ADAM23: variants seen among roughly 807,000 people sequenced by gnomAD.
ADAM23 encodes disintegrin and metalloproteinase domain-containing protein 23.
A neutral mutation model predicts 120.1 loss-of-function variants in ADAM23; 33 were observed. That is an observed-to-expected ratio of 0.27 (90% CI 0.21 to 0.37). The LOEUF is 0.37. Among genes scored for constraint, ADAM23 ranks in the 10% least tolerant of loss-of-function variants. The pLI, the probability that ADAM23 is intolerant of heterozygous loss-of-function variation, is 1.00. For synonymous variants in ADAM23, 367 were observed against 375.2 expected (o/e 0.98, Z 0.25); for missense variants, 862 against 1,058.2 (o/e 0.81, Z 2.57).
chr2:206,538,202 A>G (rs1697219798), intron 4 of ADAM23, among the ~76,000 whole-genome samples: 1 of 152,308 alleles, frequency 6.6e-6, no homozygotes, highest in Admixed American at 6.5e-5. Flanking sequence ...TAATGAAGGT[A>G]AATAATTAAA....
At chr2:206,604,831 TG>T (rs1030393056) in intron 24 of ADAM23, among the ~76,000 whole-genome samples, 2 of 152,192 alleles carry the variant, frequency 1.3e-5, no homozygotes, top group African/African-American at 4.8e-5. Context: ...AGGGCAGCCT[TG>T]TTGAAGCTAA....
intron 12 of ADAM23, among the ~76,000 whole-genome samples, chr2:206,561,543 T>C (rs1199976467): frequency 6.6e-6 from 1 of 152,164 alleles, no homozygotes; most frequent in African/African-American, 2.4e-5. Flanking sequence ...CCTCTGTCTA[T>C]GTTAAATTTA....
chr2:206,445,313 A>T lies in ADAM23; in HGVS notation c.221A>T (p.His74Leu), dbSNP rs1338485796. ...ACCCCCCTACCTCCACCAGCTCCGC[A>T]TTGGAATGAAACTGCAGAAAAAAAT... Reference protein sequence around the residue: ...AWGAAAPSAPHWNETAEKNLG... With the variant: ...AWGAAAPSAPLWNETAEKNLG... Residue 74 changes from histidine to leucine, a missense_variant, in exon 2 of 26, where the codon CAT (histidine) becomes CTT (leucine). This residue lies in a region of ADAM23 where 225 missense variants were observed against 204.0 expected (regional missense o/e 1.10). Coordinates refer to ENST00000264377, the MANE Select transcript of ADAM23 (RefSeq NM_003812.4). 2 of 1,612,588 alleles carry T rather than the reference A, an allele frequency of 1.2e-6. No homozygotes were observed. Among genetic ancestry groups the T allele is most frequent in the Non-Finnish European group, 1.7e-6 (2 of 1,179,118 alleles).
rs780600231 is a variant in ADAM23, at chr2:206,445,363, A to C, written c.271A>C (p.Asn91His). 1.9e-6 allele frequency: 3 copies of C among 1,614,140 alleles called. No homozygotes were observed. Among genetic ancestry groups the C allele is most frequent in the Middle Eastern group, 3.3e-4 (2 of 6,062 alleles). ...TTTGGGAGTCCTGGCAGATGAAGACAATACATTGCAACAGAATAGCAGCAG... is the reference window on the plus strand; with the variant it reads ...TTTGGGAGTCCTGGCAGATGAAGACCATACATTGCAACAGAATAGCAGCAG... Reference protein sequence around the residue: ...KNLGVLADEDNTLQQNSSSNI... With the variant: ...KNLGVLADEDHTLQQNSSSNI... The change falls in exon 2 of 26, where the codon AAT (asparagine) becomes CAT (histidine). Residue 91 changes from asparagine (N) to histidine (H), a missense_variant. Transcript: ENST00000264377.
intron 20 of ADAM23, among the ~76,000 whole-genome samples, chr2:206,588,936 G>A (rs1698376623): frequency 6.6e-6 from 1 of 152,128 alleles, no homozygotes; most frequent in South Asian, 2.1e-4. Context: ...ATTTTGAAAG[G>A]TTTAATTATC....
intron 9 of ADAM23, among the ~76,000 whole-genome samples, chr2:206,554,820 A>G (rs889012413): frequency 2.6e-5 from 4 of 152,186 alleles, no homozygotes; most frequent in Non-Finnish European, 5.9e-5. Flanking sequence ...TAGGTGTCCA[A>G]TTAAATGGCA....
intron 3 of ADAM23, among the ~76,000 whole-genome samples, chr2:206,508,501 C>G (rs1177855710): frequency 6.6e-6 from 1 of 150,624 alleles, no homozygotes. Flanking sequence ...ACTAACAATA[C>G]AAAAATTAGC....
intron 2 of ADAM23, among the ~76,000 whole-genome samples, chr2:206,470,875 C>G (rs1321751266): frequency 6.6e-6 from 1 of 152,126 alleles, no homozygotes; most frequent in Non-Finnish European, 1.5e-5. Flanking sequence ...GATCTCTGCC[C>G]CAGTAATGTG....
At chr2:206,524,968 C>T (rs1696913884) in intron 3 of ADAM23, among the ~76,000 whole-genome samples, 1 of 152,164 alleles carries the variant, frequency 6.6e-6, no homozygotes, top group South Asian at 2.1e-4. Context: ...ACCAACCTGA[C>T]CTTCCATGTA....
chr2:206,529,250 A>G (rs543499636), intron 3 of ADAM23, among the ~76,000 whole-genome samples: 1 of 152,230 alleles, frequency 6.6e-6, no homozygotes, highest in Admixed American at 6.5e-5. Flanking sequence ...GTTTCCTTTA[A>G]TCCTCACAAT....
At chr2:206,480,434 A>G (rs1232994477) in intron 2 of ADAM23, among the ~76,000 whole-genome samples, 1 of 151,236 alleles carries the variant, frequency 6.6e-6, no homozygotes, top group Non-Finnish European at 1.5e-5. Context: ...AAGGAAGTAC[A>G]GTGTAGGTGT....
chr2:206,526,410 T>C (rs1354230307), intron 3 of ADAM23, among the ~76,000 whole-genome samples: 2 of 152,200 alleles, frequency 1.3e-5, no homozygotes, highest in Non-Finnish European at 2.9e-5. Flanking sequence ...ACTTCAGCAC[T>C]GTAAAATGTT....
chr2:206,576,640 T>C (rs1698121890), intron 18 of ADAM23, among the ~76,000 whole-genome samples: 2 of 152,080 alleles, frequency 1.3e-5, no homozygotes, highest in African/African-American at 4.8e-5. Context: ...ATTAAGAAAA[T>C]GGAATCTCTA....
intron 4 of ADAM23, among the ~76,000 whole-genome samples, chr2:206,540,987 T>G (rs1221211393): frequency 2.0e-5 from 3 of 148,238 alleles, no homozygotes; most frequent in African/African-American, 7.3e-5. Flanking sequence ...TAATAAAAAT[T>G]TATTATTATT....
chr2:206,504,233 T>C (rs1247709331), intron 3 of ADAM23, among the ~76,000 whole-genome samples: 1 of 152,180 alleles, frequency 6.6e-6, no homozygotes, highest in Non-Finnish European at 1.5e-5. Flanking sequence ...TAGATGTAAT[T>C]TTACTTTTTA....
chr2:206,550,019 T>TC, intron 8 of ADAM23, 76 bp from the exon 9 acceptor site: 1 of 849,036 alleles, frequency 1.2e-6, no homozygotes, highest in South Asian at 2.4e-5. Context: ...CAAAGTCTTA[T>TC]CTACAACTTA....
chr2:206,475,455 C>T (rs1260445998), intron 2 of ADAM23, among the ~76,000 whole-genome samples: 1 of 151,886 alleles, frequency 6.6e-6, no homozygotes, highest in Non-Finnish European at 1.5e-5. Context: ...TTTAGAAAAA[C>T]CTCTGTGATT....
At chr2:206,556,236 T>A (rs1697640265) in intron 9 of ADAM23, among the ~76,000 whole-genome samples, 1 of 152,120 alleles carries the variant, frequency 6.6e-6, no homozygotes, top group Non-Finnish European at 1.5e-5. Flanking sequence ...GTAATCAGTG[T>A]TTTTGTTGTT....
rs765911210 is a variant in ADAM23 at position 206,617,713 on chromosome 2, T to C, written c.*86T>C. ...AGCAGTGTTACTGGAACTATTAAGT[T>C]TGTAAACAAAACCTTTGGGTGGTAA... On this transcript the variant is annotated 3_prime_UTR_variant, in exon 26 of 26. Coordinates refer to ENST00000264377, the MANE Select transcript of ADAM23 (RefSeq NM_003812.4). The C allele has an allele frequency of 6.4e-7, 1 of 1,574,596 alleles. No homozygotes were observed. Among genetic ancestry groups the C allele is most frequent in the African/African-American group, 1.4e-5 (1 of 73,972 alleles).
Sources: gnomAD v4.1 joint callset for allele counts (sites outside exome capture counted in the v4.1 genomes callset) on GRCh38, gnomAD v4.1.1 for gene constraint, gnomAD v4.1.1 regional missense constraint, MANE v1.5 for transcripts, NCBI Gene and HGNC (gene_info 2026-07-23, HGNC 2026-07-21) for gene names.